The following RIN2 variants were observed in gnomAD, a reference collection of about 807,000 sequenced individuals.
RIN2 encodes the protein RAB5 interacting protein 2.
Under a neutral mutation model 78.0 loss-of-function variants are expected in RIN2, and 36 were observed. That is an observed-to-expected ratio of 0.46 (90% confidence interval 0.35 to 0.61). RIN2 has a LOEUF of 0.61. RIN2 is among the 20% of genes least tolerant of loss of function. The probability of loss-of-function intolerance (pLI) is 0.00; values close to 1 mark genes in which losing one functional copy is unlikely to be tolerated. For missense variants in RIN2, 1,087 were observed against 1,159.7 expected (o/e 0.94, Z 0.91); for synonymous variants, 466 against 466.8 (o/e 1.00, Z 0.02).
chr20:19,970,127 A>G (rs1362370266), intron 7 of RIN2, among the ~76,000 whole-genome samples: 1 of 152,232 alleles, frequency 6.6e-6, no homozygotes, highest in Non-Finnish European at 1.5e-5. Context: ...GAGGGGTCTT[A>G]GACTTGCTTT....
chr20:19,804,149 G>T (rs936883907), intron 2 of RIN2, among the ~76,000 whole-genome samples: 2 of 152,082 alleles, frequency 1.3e-5, no homozygotes, highest in Admixed American at 6.6e-5. Context: ...GCAAACAAAG[G>T]CAATTTGACT....
In RIN2 at chr20:19,948,481, G is replaced by A. The variant is rs6136893; in HGVS notation, c.159-8134G>A. Among the ~76,000 whole-genome samples the A allele has an allele frequency of 0.022, 3,338 of 152,000 alleles. 321 individuals are homozygous for A. The East Asian group carries it at 0.29, about 13-fold the overall frequency. ...GTGATCTCGGCTTACTGCAACCTCC[G>A]CCTCCCAGGTTCAAGCCATTCTCAT... On this transcript the variant is annotated intron_variant, in intron 4 of 12. Coordinates refer to ENST00000255006, the MANE Select transcript of RIN2 (RefSeq NM_018993.4).
chr20:19,852,298 G>A (rs1190667235), intron 2 of RIN2, among the ~76,000 whole-genome samples: 1 of 152,170 alleles, frequency 6.6e-6, no homozygotes, highest in Non-Finnish European at 1.5e-5. Flanking sequence ...ATCTCCAGGT[G>A]GTGATGAAGG....
chr20:19,841,833 G>A lies in RIN2; in HGVS notation c.-37+42086G>A, dbSNP rs567922682. Among the ~76,000 whole-genome samples, 45 of 152,334 alleles carry A rather than the reference G, an allele frequency of 3.0e-4. 1 individual carries two copies. The highest frequency in any genetic ancestry group is 1.1e-3 in the African/African-American group (44 of 41,574). On this transcript the variant is annotated intron_variant, in intron 2 of 12. Transcript: ENST00000255006. ...AGTTAGTTCATGAGATTTAAGAAAA[G>A]AGGCCATCTGCAGGTGCCAGTGGAG...
intron 1 of RIN2, among the ~76,000 whole-genome samples, chr20:19,789,455 T>G (rs2034817367): frequency 6.6e-6 from 1 of 152,244 alleles, no homozygotes; most frequent in East Asian, 1.9e-4. Flanking sequence ...TGTCTTTTGT[T>G]ATGTGACACT....
chr20:19,937,790 CAGAT>C (rs1207612614), intron 4 of RIN2, among the ~76,000 whole-genome samples: 7 of 152,200 alleles, frequency 4.6e-5, no homozygotes, highest in South Asian at 4.1e-4. Context: ...TTACATGTGA[CAGAT>C]AGGCATAAAT....
intron 10 of RIN2, 51 bp downstream of exon 10, chr20:19,990,362 G>C: frequency 2.0e-6 from 3 of 1,534,764 alleles, no homozygotes; most frequent in South Asian, 1.3e-5. Context: ...CCGGGCCGGG[G>C]ACAGGCCTCT....
At chr20:19,953,431 GCTTTTCTTTT>G (rs574247001) in intron 4 of RIN2, among the ~76,000 whole-genome samples, 1 of 146,334 alleles carries the variant, frequency 6.8e-6, no homozygotes, top group African/African-American at 2.4e-5. Flanking sequence ...ACTGCACCTG[GCTTTTCTTTT>G]CTTTTCTTTT....
At chr20:19,911,297 T>C (rs650306) in intron 3 of RIN2, among the ~76,000 whole-genome samples, 41,258 of 151,644 alleles carry the variant, frequency 0.27, 6,969 homozygotes, top group East Asian at 0.54. Context: ...AGATGATCTG[T>C]GCGCCTTGGC....
chr20:19,855,141 T>G (rs2037123635), intron 2 of RIN2, among the ~76,000 whole-genome samples: 1 of 152,242 alleles, frequency 6.6e-6, no homozygotes, highest in Non-Finnish European at 1.5e-5. Flanking sequence ...GAGATAATCA[T>G]GTGGTTTTTG....
chr20:19,842,596 T>C (rs1293026433), intron 2 of RIN2, among the ~76,000 whole-genome samples: 1 of 151,926 alleles, frequency 6.6e-6, no homozygotes, highest in African/African-American at 2.4e-5. Flanking sequence ...TGTTGAGACC[T>C]ACTGCTTAGA....
intron 1 of RIN2, among the ~76,000 whole-genome samples, chr20:19,779,461 G>A (rs1247362155): frequency 1.3e-5 from 2 of 152,304 alleles, no homozygotes; most frequent in Middle Eastern, 3.4e-3. Flanking sequence ...CAGGGCACGG[G>A]TCACTAGAAC....
At chr20:19,831,265 T>A (rs917882843) in intron 2 of RIN2, among the ~76,000 whole-genome samples, 3 of 152,220 alleles carry the variant, frequency 2.0e-5, no homozygotes, top group African/African-American at 4.8e-5. Flanking sequence ...ACATAAATTT[T>A]TACATTAACA....
intron 2 of RIN2, among the ~76,000 whole-genome samples, chr20:19,851,043 AAG>A (rs1404738481): frequency 2.3e-4 from 19 of 81,264 alleles, no homozygotes; most frequent in Admixed American, 7.6e-4. Flanking sequence ...GGAAGGAAGG[AAG>A]GAAGGAGAAA....
intron 2 of RIN2, among the ~76,000 whole-genome samples, chr20:19,813,020 G>A (rs1258858784): frequency 6.6e-6 from 1 of 152,172 alleles, no homozygotes. Context: ...TGAGAATGGA[G>A]GAATTGAGGG....
In RIN2 at chr20:19,886,608, TC is replaced by T. The variant is rs11476169; in HGVS notation, c.-36-2957del. On this transcript the variant is annotated intron_variant, in intron 2 of 12. Coordinates refer to ENST00000255006, the MANE Select transcript of RIN2 (RefSeq NM_018993.4). ...ATGAGGGCTGCCTTCTTCTTCTTCTTCTTCTTTTTTTTTTTTTTTTTTTGCT... is the reference window on the plus strand; with the variant it reads ...ATGAGGGCTGCCTTCTTCTTCTTCTTTTCTTTTTTTTTTTTTTTTTTTGCT... 1,958 of 860,530 alleles carry T rather than the reference TC, an allele frequency of 2.3e-3. 29 individuals are homozygous for T. In the African/African-American group the frequency reaches 0.04, roughly 18 times the overall value. The allele number at this position is 860,530 out of a possible 1,614,324, so 53.3% of individuals were successfully genotyped here.
intron 2 of RIN2, among the ~76,000 whole-genome samples, chr20:19,865,516 T>C (rs1379421204): frequency 1.0e-5 from 1 of 96,648 alleles, no homozygotes; most frequent in Non-Finnish European, 2.1e-5. Context: ...CAACAGTGTC[T>C]TGCTCTGTTA....
intron 2 of RIN2, chr20:19,871,944 C>T (rs1350650090): frequency 2.0e-5 from 3 of 152,114 alleles, no homozygotes; most frequent in Non-Finnish European, 1.5e-5. Context: ...GGGCAGTGCT[C>T]AGGGAAAAGC....
chr20:19,868,625 C>G (rs1475463935), intron 2 of RIN2, among the ~76,000 whole-genome samples: 1 of 152,094 alleles, frequency 6.6e-6, no homozygotes, highest in African/African-American at 2.4e-5. Flanking sequence ...CCTGTAGGGG[C>G]ACACAGCCTA....
Sources: gnomAD v4.1 joint callset for allele counts (sites outside exome capture counted in the v4.1 genomes callset) on GRCh38, gnomAD v4.1.1 for gene constraint, MANE v1.5 for transcripts, NCBI Gene and HGNC (gene_info 2026-07-23, HGNC 2026-07-21) for gene names.